The following SOX9 variants were observed in gnomAD, a reference collection of about 807,000 sequenced individuals.
The protein encoded by SOX9 is transcription factor SOX-9.
SOX9 carries 2 observed loss-of-function variants against 44.8 expected under a neutral mutation model. That is an observed-to-expected ratio of 0.04 (90% confidence interval 0.02 to 0.14). SOX9 has a LOEUF of 0.14. Ranked by LOEUF, SOX9 falls within the 10% of genes least tolerant of loss-of-function variation. The pLI is 1.00. For synonymous variants in SOX9, 381 were observed against 331.8 expected, an observed-to-expected ratio of 1.15 and a Z score of -1.61; for missense variants, 583 against 728.6, an observed-to-expected ratio of 0.80 and a Z score of 2.30.
chr17:72,123,629 C>T lies in SOX9; in HGVS notation c.772C>T (p.Pro258Ser). ...GKADLKREGR[P>S]LPEGGRQPPI... ...GGCTGACCTGAAGCGAGAGGGGCGC[C>T]CCTTGCCAGAGGGGGGCAGACAGCC... The change falls in exon 3 of 3, where the codon CCC (proline) becomes TCC (serine). Residue 258 changes from proline (P) to serine (S), a missense_variant. Around this residue, in one of 7 missense-constraint regions of SOX9, gnomAD observed 349 missense variants for 387.0 expected, o/e 0.90. Coordinates refer to ENST00000245479, the MANE Select transcript of SOX9 (RefSeq NM_000346.4). This position sits in a 1 kb window ranked among gnomAD's most constrained non-coding sequence, Gnocchi z 6.5. 7 of 1,614,136 alleles carry T rather than the reference C, an allele frequency of 4.3e-6. No individual in the cohort carries two copies. The highest frequency in any genetic ancestry group is 5.9e-6 in the Non-Finnish European group (7 of 1,180,014).
rs779195518 is a variant in SOX9, at chr17:72,121,371, C to A, written c.-21C>A. On this transcript the variant is annotated 5_prime_UTR_variant, in exon 1 of 3. Transcript: ENST00000245479. The surrounding 1 kb of genome is among the most constrained non-coding windows in gnomAD (Gnocchi z 8.3). ...GCTTCTCGCCTTTCCCGGCCACCAG[C>A]CCCCTGCCCCGGGCCCGCGTATGAA... 22 of 1,608,418 alleles carry A rather than the reference C, an allele frequency of 1.4e-5. 1 individual carries two copies. In the South Asian group the frequency reaches 2.2e-4, roughly 16 times the overall value.
In SOX9 at chr17:72,125,709, T is replaced by G; in HGVS notation, c.*1322T>G. Reference sequence around the variant, plus strand: ...TCTTTTTTTATTATTAAAAGCAAGTTTCTTTGTATTCCTCACCCTAGATTT... The same window carrying G: ...TCTTTTTTTATTATTAAAAGCAAGTGTCTTTGTATTCCTCACCCTAGATTT... On this transcript the variant is annotated 3_prime_UTR_variant, in exon 3 of 3. Coordinates refer to ENST00000245479, the MANE Select transcript of SOX9 (RefSeq NM_000346.4). 1 of 227,938 alleles carries G rather than the reference T, an allele frequency of 4.4e-6. No individual in the cohort carries two copies. Among genetic ancestry groups the G allele is most frequent in the East Asian group, 6.3e-5 (1 of 15,776 alleles). The allele number at this position is 227,938 out of a possible 1,614,324, so 14.1% of individuals were successfully genotyped here. A position where few individuals can be genotyped will look rare whatever the true frequency, so the allele number is the denominator to read the frequency against.
intron 1 of SOX9, among the ~76,000 whole-genome samples, chr17:72,122,391 G>A (rs1908125477): frequency 6.9e-6 from 1 of 145,330 alleles, no homozygotes; most frequent in African/African-American, 2.6e-5. Context: ...GGTTGGGGTT[G>A]GGGGCGGTAA....
Position 72,123,107 on chromosome 17 carries a change from G to A in SOX9, c.685+135G>A. 3 of 1,049,104 alleles carry A rather than the reference G, an allele frequency of 2.9e-6. No individual in the cohort carries two copies. Among genetic ancestry groups the A allele is most frequent in the Non-Finnish European group, 2.8e-6 (2 of 711,788 alleles). 65.0% of individuals were successfully genotyped at this position (1,049,104 alleles called of 1,614,324 possible). ...ACACACTGCCCTTTGCGCCCGTCCC[G>A]CTCCCCTCTCTACCCAGAGCCTAAG... is the stretch of plus-strand genomic sequence containing the variant. On this transcript the variant is annotated intron_variant, in intron 2 of 2. Coordinates refer to ENST00000245479, the MANE Select transcript of SOX9 (RefSeq NM_000346.4). The surrounding 1 kb of genome is among the most constrained non-coding windows in gnomAD (Gnocchi z 6.5).
At position 72,121,866 on chromosome 17, in the gene SOX9, G is replaced by A. The variant is rs1328688047; in HGVS notation, c.431+44G>A. The A allele has an allele frequency of 1.3e-6, 2 of 1,501,606 alleles. No homozygotes were observed. The highest frequency in any genetic ancestry group is 1.4e-5 in the African/African-American group (1 of 71,874). The allele number at this position is 1,501,606 out of a possible 1,614,324, so 93.0% of individuals were successfully genotyped here. A position where few individuals can be genotyped will look rare whatever the true frequency, so the allele number is the denominator to read the frequency against. On this transcript the variant is annotated intron_variant, in intron 1 of 2. Coordinates refer to ENST00000245479, the MANE Select transcript of SOX9 (RefSeq NM_000346.4). The surrounding 1 kb of genome is among the most constrained non-coding windows in gnomAD (Gnocchi z 8.3). ...GGCGCGGCAGGGTGGGCATCGCGGC[G>A]GCTGGGGGCGCTGGTCAGGGCTGAT...
Position 72,123,457 on chromosome 17 carries a change from GGGAGGGTCCCC to G in SOX9, c.686-78_686-68del. Reference sequence around the variant, plus strand: ...GGCCCTTATTACACTTTAGCAGCGAGGGAGGGTCCCCGGAGGGTGCCTAAGACTAGGGCGTC... The same window carrying G: ...GGCCCTTATTACACTTTAGCAGCGAGGGAGGGTGCCTAAGACTAGGGCGTC... On this transcript the variant is annotated intron_variant, in intron 2 of 2. Coordinates refer to ENST00000245479, the MANE Select transcript of SOX9 (RefSeq NM_000346.4). The surrounding 1 kb of genome is among the most constrained non-coding windows in gnomAD (Gnocchi z 6.5). The G allele has an allele frequency of 6.3e-7, 1 of 1,580,156 alleles. No individual in the cohort carries two copies. The highest frequency in any genetic ancestry group is 2.2e-5 in the East Asian group (1 of 44,672).
In SOX9 at chr17:72,124,605, C is replaced by T; in HGVS notation, c.*218C>T. The T allele has an allele frequency of 1.6e-6, 1 of 639,548 alleles. No homozygotes were observed. 39.6% of individuals were successfully genotyped at this position (639,548 alleles called of 1,614,324 possible). ...AAACATGACCTATCCAAGCGCATTA[C>T]CCACTTGTGGCCAATCAGTGGCCAG... On this transcript the variant is annotated 3_prime_UTR_variant, in exon 3 of 3. Coordinates refer to ENST00000245479, the MANE Select transcript of SOX9 (RefSeq NM_000346.4). This position sits in a 1 kb window ranked among gnomAD's most constrained non-coding sequence, Gnocchi z 4.6.
chr17:72,123,466 C>T lies in SOX9; in HGVS notation c.686-77C>T, dbSNP rs1406097157. On this transcript the variant is annotated intron_variant, in intron 2 of 2. Coordinates refer to ENST00000245479, the MANE Select transcript of SOX9 (RefSeq NM_000346.4). This position sits in a 1 kb window ranked among gnomAD's most constrained non-coding sequence, Gnocchi z 6.5. ...TACACTTTAGCAGCGAGGGAGGGTC[C>T]CCGGAGGGTGCCTAAGACTAGGGCG... The T allele has an allele frequency of 2.5e-6, 4 of 1,597,392 alleles. No homozygotes were observed. The South Asian group carries it at 3.3e-5, about 13-fold the overall frequency.
chr17:72,125,965 C>A lies in SOX9; in HGVS notation c.*1578C>A. The A allele has an allele frequency of 8.6e-6, 2 of 232,754 alleles. No individual in the cohort carries two copies. The highest frequency in any genetic ancestry group is 1.7e-5 in the Non-Finnish European group (2 of 117,696). 14.4% of individuals were successfully genotyped at this position (232,754 alleles called of 1,614,324 possible). On this transcript the variant is annotated 3_prime_UTR_variant, in exon 3 of 3. Transcript: ENST00000245479. ...GCAAGCATGTGTCATCCATATTTCTCTGCATCTTCTCTTGGAGTGAGGGAG... is the reference window on the plus strand; with the variant it reads ...GCAAGCATGTGTCATCCATATTTCTATGCATCTTCTCTTGGAGTGAGGGAG...
At position 72,123,524 on chromosome 17, in the gene SOX9, G is replaced by C. The variant is rs1199455591; in HGVS notation, c.686-19G>C. The stretch of plus-strand genomic sequence containing the variant: ...AGCCCTTGTTGATTTTCTCGTGCTT[G>C]TTCTTTTATTGTCCACAGGGCAATC... On this transcript the variant is annotated intron_variant, in intron 2 of 2. Transcript: ENST00000245479. This position sits in a 1 kb window ranked among gnomAD's most constrained non-coding sequence, Gnocchi z 6.5. 1 of 1,613,962 alleles carries C rather than the reference G, an allele frequency of 6.2e-7. No homozygotes were observed. The highest frequency in any genetic ancestry group is 8.5e-7 in the Non-Finnish European group (1 of 1,180,006).
chr17:72,125,001 C>G lies in SOX9; in HGVS notation c.*614C>G, dbSNP rs1258899532. On this transcript the variant is annotated 3_prime_UTR_variant, in exon 3 of 3. Transcript: ENST00000245479. ...TTTTGTACAGATTTGCTTTCTCTTA[C>G]AAAAAGAAAAAAAAAATCCTGTTGT... 2 of 222,300 alleles carry G rather than the reference C, an allele frequency of 9.0e-6. No homozygotes were observed. The highest frequency in any genetic ancestry group is 1.8e-5 in the Non-Finnish European group (2 of 111,840). The allele number at this position is 222,300 out of a possible 1,614,324, so 13.8% of individuals were successfully genotyped here.
In SOX9 at chr17:72,121,333, C is replaced by T. The variant is rs922125221; in HGVS notation, c.-59C>T. On this transcript the variant is annotated 5_prime_UTR_variant, in exon 1 of 3. Coordinates refer to ENST00000245479, the MANE Select transcript of SOX9 (RefSeq NM_000346.4). The surrounding 1 kb of genome is among the most constrained non-coding windows in gnomAD (Gnocchi z 8.3). ...GGAGAGGAGCCCGCGCCTCGAGTCC[C>T]CGAGCCGCCGCGGCTTCTCGCCTTT... 6 of 1,526,178 alleles carry T rather than the reference C, an allele frequency of 3.9e-6. No homozygotes were observed. In the Admixed American group the frequency reaches 8.5e-5, roughly 22 times the overall value. 94.5% of individuals were successfully genotyped at this position (1,526,178 alleles called of 1,614,324 possible).
Position 72,123,721 on chromosome 17 carries a change from C to G in SOX9, c.864C>G (p.Thr288=), listed in dbSNP as rs1278183058. The G allele has an allele frequency of 6.2e-7, 1 of 1,613,948 alleles. No homozygotes were observed. Among genetic ancestry groups the G allele is most frequent in the Non-Finnish European group, 8.5e-7 (1 of 1,179,898 alleles). The change falls in exon 3 of 3, where the codon ACC becomes ACG. Residue 288 remains threonine (T), a synonymous_variant. Transcript: ENST00000245479. This position sits in a 1 kb window ranked among gnomAD's most constrained non-coding sequence, Gnocchi z 6.5. ...GCGACGTCATCTCCAACATCGAGAC[C>G]TTCGATGTCAACGAGTTTGACCAGT... ...LSSDVISNIE[T]FDVNEFDQYL...
Position 72,123,056 on chromosome 17 carries a change from T to A in SOX9, c.685+84T>A, listed in dbSNP as rs2143248209. On this transcript the variant is annotated intron_variant, in intron 2 of 2. Transcript: ENST00000245479. The surrounding 1 kb of genome is among the most constrained non-coding windows in gnomAD (Gnocchi z 6.5). ...TGCCCTCCGCCTGGGAGATTCTTCG[T>A]GGGGACTTTATGCTTCCCGGGAGGG... 1 of 1,551,810 alleles carries A rather than the reference T, an allele frequency of 6.4e-7. No individual in the cohort carries two copies. The highest frequency in any genetic ancestry group is 8.8e-7 in the Non-Finnish European group (1 of 1,139,232).
rs1908073530 is a variant in SOX9, at chr17:72,121,190, A to T, written c.-202A>T. On this transcript the variant is annotated 5_prime_UTR_variant, in exon 1 of 3. Coordinates refer to ENST00000245479, the MANE Select transcript of SOX9 (RefSeq NM_000346.4). This position sits in a 1 kb window ranked among gnomAD's most constrained non-coding sequence, Gnocchi z 8.3. ...CCTCCTCTCCAATTCGCCTCCCCCC[A>T]CTTGGAGCGGGCAGCTGTGAACTGG... 5.1e-6 allele frequency: 3 copies of T among 585,330 alleles called. No homozygotes were observed. In the South Asian group the frequency reaches 6.2e-5, roughly 12 times the overall value. The allele number at this position is 585,330 out of a possible 1,614,324, so 36.3% of individuals were successfully genotyped here.
chr17:72,124,488 TG>T lies in SOX9; in HGVS notation c.*102del. The T allele has an allele frequency of 1.4e-6, 2 of 1,438,014 alleles. No homozygotes were observed. The highest frequency in any genetic ancestry group is 1.9e-6 in the Non-Finnish European group (2 of 1,039,180). The allele number at this position is 1,438,014 out of a possible 1,614,324, so 89.1% of individuals were successfully genotyped here. The stretch of plus-strand genomic sequence containing the variant: ...TTCCCTTTGGACATTTGTGTTTTTT[TG>T]TTTTTTTATTTTGTTTTGTTTTTTC... On this transcript the variant is annotated 3_prime_UTR_variant, in exon 3 of 3. Coordinates refer to ENST00000245479, the MANE Select transcript of SOX9 (RefSeq NM_000346.4). The surrounding 1 kb of genome is among the most constrained non-coding windows in gnomAD (Gnocchi z 4.6).
In SOX9 at chr17:72,124,814, T is replaced by G. The variant is rs781039547; in HGVS notation, c.*427T>G. On this transcript the variant is annotated 3_prime_UTR_variant, in exon 3 of 3. Coordinates refer to ENST00000245479, the MANE Select transcript of SOX9 (RefSeq NM_000346.4). This position sits in a 1 kb window ranked among gnomAD's most constrained non-coding sequence, Gnocchi z 4.6. The stretch of plus-strand genomic sequence containing the variant: ...AGAAAAAAGTCCTCTGTGAGGAATA[T>G]TCTCTATTTTAAATATTTTTAGTAT... The G allele has an allele frequency of 3.9e-5, 14 of 360,960 alleles. No individual in the cohort carries two copies. The highest frequency in any genetic ancestry group is 1.5e-5 in the Non-Finnish European group (3 of 194,208). The allele number at this position is 360,960 out of a possible 1,614,324, so 22.4% of individuals were successfully genotyped here. A position where few individuals can be genotyped will look rare whatever the true frequency, so the allele number is the denominator to read the frequency against.
intron 1 of SOX9, 38 bp from the exon 2 acceptor site, chr17:72,122,681 C>T (rs2143244616): frequency 6.2e-7 from 1 of 1,604,294 alleles, no homozygotes; most frequent in Non-Finnish European, 8.5e-7. Context: ...GACCCCTCTC[C>T]CTCTTTTTCT....
rs1396952022 is a variant in SOX9, at chr17:72,125,626, A to G, written c.*1239A>G. On this transcript the variant is annotated 3_prime_UTR_variant, in exon 3 of 3. Transcript: ENST00000245479. ...GGAGCTTTCCTCAAAGGGTATGGTC[A>G]TCTGTTGTTAAATTATGTTCTTAAC... 1 of 222,452 alleles carries G rather than the reference A, an allele frequency of 4.5e-6. No homozygotes were observed. 13.8% of individuals were successfully genotyped at this position (222,452 alleles called of 1,614,324 possible).
Sources: gnomAD v4.1 joint callset for allele counts (sites outside exome capture counted in the v4.1 genomes callset) on GRCh38, gnomAD v4.1.1 for gene constraint, gnomAD v4.1.1 regional missense constraint, Gnocchi (gnomAD v3.1) non-coding constraint, MANE v1.5 for transcripts, NCBI Gene and HGNC (gene_info 2026-07-23, HGNC 2026-07-21) for gene names.